The following CEP63 variants were observed in gnomAD, a reference collection of about 807,000 sequenced individuals.
CEP63 encodes the protein centrosomal protein of 63 kDa.
Under a neutral mutation model 89.1 loss-of-function variants are expected in CEP63, and 84 were observed. That is an observed-to-expected ratio of 0.94 (90% CI 0.79 to 1.13). The LOEUF (loss-of-function observed/expected upper bound fraction) is 1.13. Among genes scored for constraint, CEP63 ranks in the 50% most tolerant of loss-of-function variants. CEP63 has a pLI of 0.00. For missense variants in CEP63, 838 were observed against 813.3 expected (o/e 1.03, Z -0.37); for synonymous variants, 267 against 272.5 (o/e 0.98, Z 0.20).
At chr3:134,698,217 A>C in the CEP63 span, among the ~76,000 whole-genome samples, 1 of 152,198 alleles carries the variant, frequency 6.6e-6, no homozygotes, top group South Asian at 2.1e-4. Context: ...AGATTCCCAA[A>C]GCAGCTAGGC....
chr3:134,530,297 G>A (rs890533256), intron 3 of CEP63, among the ~76,000 whole-genome samples: 1 of 152,110 alleles, frequency 6.6e-6, no homozygotes, highest in Non-Finnish European at 1.5e-5. Flanking sequence ...CACAAGTTTC[G>A]TTTTATAAGA....
At chr3:134,591,959 C>T (rs1427675702), downstream of CEP63, among the ~76,000 whole-genome samples, 1 of 152,162 alleles carries the variant, frequency 6.6e-6, no homozygotes, top group East Asian at 1.9e-4. Flanking sequence ...GGCTGTGTAA[C>T]AAATTACCCC....
chr3:134,495,608 G>A (rs1939565586), intron 2 of CEP63, among the ~76,000 whole-genome samples: 1 of 152,158 alleles, frequency 6.6e-6, no homozygotes, highest in Non-Finnish European at 1.5e-5. Context: ...TCACCCGACT[G>A]TGCTAATTAC....
At chr3:134,710,053 C>T in the CEP63 span, among the ~76,000 whole-genome samples, 4 of 152,336 alleles carry the variant, frequency 2.6e-5, no homozygotes, top group Non-Finnish European at 5.9e-5. Context: ...ATTGGGTGTT[C>T]AGAGGTCTGG....
intron 11 of CEP63, among the ~76,000 whole-genome samples, chr3:134,571,971 G>A (rs1200662063): frequency 6.6e-6 from 1 of 152,184 alleles, no homozygotes; most frequent in Non-Finnish European, 1.5e-5. Context: ...GGTACTGCTA[G>A]CACTGTGGCC....
At chr3:134,624,064 C>A in the CEP63 span, among the ~76,000 whole-genome samples, 1 of 152,150 alleles carries the variant, frequency 6.6e-6, no homozygotes, top group Admixed American at 6.5e-5. Flanking sequence ...TAGAGCCCCT[C>A]ATATCCCAAA....
intron 3 of CEP63, among the ~76,000 whole-genome samples, chr3:134,510,280 TAACTAG>T (rs1296971283): frequency 6.6e-6 from 1 of 152,208 alleles, no homozygotes; most frequent in Non-Finnish European, 1.5e-5. Context: ...TTCTATGTAT[TAACTAG>T]AATTAATGGT....
At chr3:134,649,571 T>C in the CEP63 span, among the ~76,000 whole-genome samples, 1 of 152,314 alleles carries the variant, frequency 6.6e-6, no homozygotes, top group East Asian at 1.9e-4. Flanking sequence ...CCATTTCCCC[T>C]TCTCCCAAGA....
chr3:134,722,057 T>G, the CEP63 span, among the ~76,000 whole-genome samples: 1 of 152,172 alleles, frequency 6.6e-6, no homozygotes, highest in Non-Finnish European at 1.5e-5. Flanking sequence ...TATTAATTCC[T>G]TTTGGAATAT....
the CEP63 span, among the ~76,000 whole-genome samples, chr3:134,756,349 G>T: frequency 1.3e-5 from 2 of 152,122 alleles, no homozygotes; most frequent in African/African-American, 4.8e-5. Flanking sequence ...GTTATGAAGG[G>T]TATCCTTTTT....
chr3:134,489,861 C>A (rs1398819759), intron 1 of CEP63, among the ~76,000 whole-genome samples: 1 of 152,118 alleles, frequency 6.6e-6, no homozygotes, highest in Non-Finnish European at 1.5e-5. Context: ...AACTTATAGA[C>A]TTTATATTTA....
chr3:134,684,011 G>A, the CEP63 span, among the ~76,000 whole-genome samples: 1 of 152,058 alleles, frequency 6.6e-6, no homozygotes, highest in Non-Finnish European at 1.5e-5. Context: ...GGAAAAATGG[G>A]GTGCATAGTA....
the CEP63 span, among the ~76,000 whole-genome samples, chr3:134,744,319 T>C: frequency 2.6e-4 from 40 of 152,328 alleles, no homozygotes; most frequent in Non-Finnish European, 5.0e-4. Context: ...ATCATTAGGC[T>C]ATACCTGAAC....
At position 134,558,480 on chromosome 3, in the gene CEP63, T is replaced by C. The variant is rs567069503; in HGVS notation, c.1673+133T>C. The C allele has an allele frequency of 4.1e-5, 29 of 707,896 alleles. No individual in the cohort carries two copies. The African/African-American group carries it at 5.2e-4, about 13-fold the overall frequency. 43.9% of individuals were successfully genotyped at this position (707,896 alleles called of 1,614,324 possible). A position where few individuals can be genotyped will look rare whatever the true frequency, so the allele number is the denominator to read the frequency against. ...CTATGTTTAATTCTGAAGTATAGTG[T>C]GCACAAGTAAAGCTATGATCATGTT... On this transcript the variant is annotated intron_variant, in intron 13 of 14. Transcript: ENST00000675561.
the CEP63 span, among the ~76,000 whole-genome samples, chr3:134,650,184 C>T: frequency 6.6e-6 from 1 of 152,210 alleles, no homozygotes; most frequent in Non-Finnish European, 1.5e-5. Flanking sequence ...CTACAACTTA[C>T]AAATTTACCC....
At chr3:134,579,998 C>T (rs1248949300), downstream of CEP63, among the ~76,000 whole-genome samples, 1 of 152,122 alleles carries the variant, frequency 6.6e-6, no homozygotes, top group African/African-American at 2.4e-5. Flanking sequence ...GAGTTTGAGA[C>T]TAGCCTGGTT....
In CEP63 at chr3:134,500,002, T is replaced by G. The variant is rs552791283; in HGVS notation, c.44+4638T>G. Among the ~76,000 whole-genome samples, 41 of 151,962 alleles carry G rather than the reference T, an allele frequency of 2.7e-4. 1 individual carries two copies. In the South Asian group the frequency reaches 4.0e-3, roughly 15 times the overall value. On this transcript the variant is annotated intron_variant, in intron 2 of 14. Coordinates refer to ENST00000675561, the MANE Select transcript of CEP63 (RefSeq NM_001353108.3). ...CCATGCCCAGCTAATTTTTTTGTAT[T>G]TTTGGTAGAGATGGGATTTCGCCAT... is the stretch of plus-strand genomic sequence containing the variant.
the CEP63 span, among the ~76,000 whole-genome samples, chr3:134,745,042 T>C: frequency 1.3e-5 from 2 of 152,224 alleles, no homozygotes; most frequent in Non-Finnish European, 2.9e-5. Flanking sequence ...AACATACCTA[T>C]CACCCCAAAG....
At chr3:134,665,488 G>T in the CEP63 span, among the ~76,000 whole-genome samples, 1 of 152,212 alleles carries the variant, frequency 6.6e-6, no homozygotes, top group African/African-American at 2.4e-5. Context: ...TGACAGTACA[G>T]TTTGCACTCC....
Sources: allele counts gnomAD v4.1 joint callset (sites outside exome capture counted in the v4.1 genomes callset), GRCh38; gene constraint gnomAD v4.1.1; transcripts MANE v1.5; gene names NCBI Gene and HGNC (gene_info 2026-07-23, HGNC 2026-07-21).